Variants in COMMD1 observed in about 807,000 individuals in gnomAD.
COMMD1 encodes the protein copper metabolism domain containing 1.
In COMMD1, 10 loss-of-function variants were observed where a neutral mutation model predicts 17.2. That is an observed-to-expected ratio of 0.58 (90% CI 0.36 to 0.99). The LOEUF is 0.99. Ranked by LOEUF, COMMD1 falls within the 50% of genes least tolerant of loss-of-function variation. The pLI is 0.01. For missense variants in COMMD1, 270 were observed against 231.8 expected, an observed-to-expected ratio of 1.17 and a Z score of -1.07; for synonymous variants, 97 against 91.6, an observed-to-expected ratio of 1.06 and a Z score of -0.34.
chr2:61,927,819 A>G (rs1485277614), intron 1 of COMMD1, among the ~76,000 whole-genome samples: 2 of 149,796 alleles, frequency 1.3e-5, no homozygotes, highest in Non-Finnish European at 2.9e-5. Context: ...CTTGTTGCCC[A>G]GGCTGGAGTG....
intron 1 of COMMD1, among the ~76,000 whole-genome samples, chr2:61,926,150 T>G (rs1670325187): frequency 6.6e-6 from 1 of 152,096 alleles, no homozygotes. Context: ...TTTTGTATTT[T>G]TTAGTAGAGA....
At chr2:62,068,735 C>T (rs779449733) in intron 2 of COMMD1, among the ~76,000 whole-genome samples, 93 of 150,372 alleles carry the variant, frequency 6.2e-4, no homozygotes, top group Non-Finnish European at 9.3e-4. Flanking sequence ...AGTGATTCTC[C>T]TGTCTCGCCT....
chr2:61,990,216 A>G (rs13432416), intron 1 of COMMD1, among the ~76,000 whole-genome samples: 36 of 152,302 alleles, frequency 2.4e-4, no homozygotes, highest in African/African-American at 8.2e-4. Context: ...AGGTAGGGGG[A>G]TATGAAGAGA....
In COMMD1 at chr2:61,905,788, G is replaced by A. The variant is rs1669756932; in HGVS notation, c.110G>A (p.Ser37Asn). 1.2e-6 allele frequency: 2 copies of A among 1,614,074 alleles called. No homozygotes were observed. The highest frequency in any genetic ancestry group is 1.3e-5 in the African/African-American group (1 of 74,954). ...GGCATCACAGAGGAGCTGCTACGGA[G>A]CCAGCTATATCCAGAGGTGCCACCC... The part of the protein sequence containing the change: ...YPGITEELLR[S>N]QLYPEVPPEE... Residue 37 changes from serine to asparagine, a missense_variant, in exon 1 of 3, where the codon AGC (serine) becomes AAC (asparagine). Physicochemically the swap from Ser to Asn is conservative, Grantham distance 46. Coordinates refer to ENST00000311832, the MANE Select transcript of COMMD1 (RefSeq NM_152516.4).
chr2:62,128,336 A>G (rs1210514144), intron 2 of COMMD1, among the ~76,000 whole-genome samples: 1 of 71,904 alleles, frequency 1.4e-5, no homozygotes, highest in Non-Finnish European at 3.5e-5. Context: ...TAAAAAAAAG[A>G]AAAAAAAAAA....
chr2:61,894,722 T>G (rs1318947795), intron 1 of COMMD1, among the ~76,000 whole-genome samples: 2 of 151,542 alleles, frequency 1.3e-5, no homozygotes, highest in African/African-American at 4.8e-5. Context: ...TTTTTTGAGA[T>G]GGAGTCTCAC....
chr2:62,125,578 G>A (rs1478483185), intron 2 of COMMD1, among the ~76,000 whole-genome samples: 1 of 151,946 alleles, frequency 6.6e-6, no homozygotes, highest in Non-Finnish European at 1.5e-5. Flanking sequence ...AAGGACCATT[G>A]GTAGTAATAG....
At chr2:62,133,174 G>T (rs931518722) in intron 2 of COMMD1, among the ~76,000 whole-genome samples, 1 of 152,220 alleles carries the variant, frequency 6.6e-6, no homozygotes, top group Non-Finnish European at 1.5e-5. Flanking sequence ...TTCCCTGTCT[G>T]TGGAAGCCTT....
chr2:62,120,149 C>T (rs544182622), intron 2 of COMMD1, among the ~76,000 whole-genome samples: 6 of 152,132 alleles, frequency 3.9e-5, no homozygotes, highest in South Asian at 2.1e-4. Flanking sequence ...TACAGGTGTG[C>T]GCCAGCACAC....
intron 2 of COMMD1, among the ~76,000 whole-genome samples, chr2:62,089,111 T>C (rs1451416425): frequency 7.2e-5 from 11 of 152,196 alleles, no homozygotes; most frequent in Non-Finnish European, 1.5e-4. Flanking sequence ...TTAGAGACAA[T>C]AGATGACAAA....
intron 1 of COMMD1, chr2:61,969,091 T>C: frequency 2.3e-6 from 1 of 427,732 alleles, no homozygotes. Context: ...CCTGAGCAGC[T>C]GGGACTACAG....
chr2:62,069,149 A>AT (rs1346396639), intron 2 of COMMD1, among the ~76,000 whole-genome samples: 1 of 151,996 alleles, frequency 6.6e-6, no homozygotes, highest in Admixed American at 6.6e-5. Context: ...TTAACTTCAG[A>AT]TTTTTTATTT....
At chr2:62,101,744 C>T (rs934854626) in intron 2 of COMMD1, among the ~76,000 whole-genome samples, 15 of 152,164 alleles carry the variant, frequency 9.9e-5, no homozygotes, top group African/African-American at 2.9e-4. Flanking sequence ...AAGTTCTTTA[C>T]TTACCAAGGT....
chr2:62,114,781 G>A (rs1672543185), intron 2 of COMMD1, among the ~76,000 whole-genome samples: 1 of 152,162 alleles, frequency 6.6e-6, no homozygotes, highest in South Asian at 2.1e-4. Flanking sequence ...GGTGCCTCTG[G>A]TATTCTTCCA....
intron 2 of COMMD1, among the ~76,000 whole-genome samples, chr2:62,122,633 C>A (rs897974665): frequency 2.0e-5 from 3 of 152,184 alleles, no homozygotes; most frequent in Non-Finnish European, 4.4e-5. Context: ...CTCATTCTTG[C>A]AAGATCAAAA....
In COMMD1 at chr2:62,029,181, A is replaced by G. The variant is rs78885424; in HGVS notation, c.462+28199A>G. On this transcript the variant is annotated intron_variant, in intron 2 of 2. Transcript: ENST00000311832. ...TGTACATACTGTTTTTTAAATTCAT[A>G]TTGTTTTTTTAAATTAGATATCCAA... is the stretch of plus-strand genomic sequence containing the variant. Among the ~76,000 whole-genome samples the G allele has an allele frequency of 4.0e-3, 613 of 152,254 alleles. 6 individuals are homozygous for G. Among genetic ancestry groups the G allele is most frequent in the African/African-American group, 0.014 (577 of 41,564 alleles).
At chr2:61,925,190 A>G (rs1195490322) in intron 1 of COMMD1, among the ~76,000 whole-genome samples, 13 of 149,618 alleles carry the variant, frequency 8.7e-5, no homozygotes, top group African/African-American at 3.0e-4. Flanking sequence ...GGAGGGAGAG[A>G]GTGGGGGAGA....
chr2:61,939,940 A>G (rs1315126337), intron 1 of COMMD1, among the ~76,000 whole-genome samples: 1 of 152,176 alleles, frequency 6.6e-6, no homozygotes, highest in Non-Finnish European at 1.5e-5. Context: ...TCCTTCTTGT[A>G]TTCCCAGGTA....
intron 1 of COMMD1, among the ~76,000 whole-genome samples, chr2:61,946,701 C>T (rs1670916441): frequency 2.6e-5 from 4 of 152,132 alleles, no homozygotes; most frequent in Non-Finnish European, 5.9e-5. Flanking sequence ...TTTAAAACCT[C>T]GTAAATAAAC....
Sources: allele counts gnomAD v4.1 joint callset (sites outside exome capture counted in the v4.1 genomes callset), GRCh38; gene constraint gnomAD v4.1.1; transcripts MANE v1.5; gene names NCBI Gene and HGNC (gene_info 2026-07-23, HGNC 2026-07-21).